Variants in STX8 observed in about 807,000 individuals in gnomAD.
STX8 encodes the protein syntaxin-8.
Under a neutral mutation model 37.5 loss-of-function variants are expected in STX8, and 23 were observed. The ratio of observed to expected loss-of-function variants is 0.61; its 90% CI spans 0.44 to 0.87. The LOEUF is 0.87. STX8 is among the 40% of genes least tolerant of loss of function. STX8 has a pLI of 0.00. For synonymous variants in STX8, 115 were observed against 99.1 expected (o/e 1.16, Z -0.95); for missense variants, 313 against 284.7 (o/e 1.10, Z -0.71).
intron 4 of STX8, among the ~76,000 whole-genome samples, chr17:9,505,655 T>C (rs966391587): frequency 6.6e-6 from 1 of 152,128 alleles, no homozygotes; most frequent in Non-Finnish European, 1.5e-5. Context: ...TAAAGGGTAT[T>C]TGGAGCCGGG....
chr17:9,335,918 T>C (rs917284428), intron 7 of STX8, among the ~76,000 whole-genome samples: 1 of 151,870 alleles, frequency 6.6e-6, no homozygotes, highest in Admixed American at 6.6e-5. Flanking sequence ...TATAGGAACA[T>C]TTCTGGGGGG....
rs58213453 is a variant in STX8, at chr17:9,360,227, C to CTTTTTTT, written c.643+18318_643+18324dup. On this transcript the variant is annotated intron_variant, in intron 7 of 7. Transcript: ENST00000306357. ...ATACATATAATGTAAAATTAACCGT[C>CTTTTTTT]TTTTTTTTTTTTTTTTTTTTTTTTG... is the stretch of plus-strand genomic sequence containing the variant. Among the ~76,000 whole-genome samples, 7 of 72,604 alleles carry CTTTTTTT rather than the reference C, an allele frequency of 9.6e-5. 1 individual carries two copies. The highest frequency in any genetic ancestry group is 1.6e-4 in the African/African-American group (3 of 18,702). 47.6% of individuals were successfully genotyped at this position (72,604 alleles called of 152,430 possible). A position where few individuals can be genotyped will look rare whatever the true frequency, so the allele number is the denominator to read the frequency against.
chr17:9,250,754 T>A, intron 7 of STX8, 109 bp from the exon 8 acceptor site: 1 of 1,195,760 alleles, frequency 8.4e-7, no homozygotes, highest in Non-Finnish European at 1.2e-6. Context: ...CTCTGAGCCT[T>A]CAGTTTGTAC....
chr17:9,351,350 G>C (rs1157653500), intron 7 of STX8, among the ~76,000 whole-genome samples: 1 of 151,636 alleles, frequency 6.6e-6, no homozygotes, highest in Non-Finnish European at 1.5e-5. Context: ...GTAGAGACAG[G>C]GTTTCACTAT....
intron 4 of STX8, among the ~76,000 whole-genome samples, chr17:9,514,088 G>A (rs28782252): frequency 0.035 from 5,340 of 152,180 alleles, 356 homozygotes; most frequent in African/African-American, 0.12. Context: ...TTGGACAGGA[G>A]GAATAAGTTT....
intron 4 of STX8, among the ~76,000 whole-genome samples, chr17:9,539,219 T>G (rs1489718040): frequency 6.7e-6 from 1 of 150,080 alleles, no homozygotes; most frequent in Non-Finnish European, 1.5e-5. Flanking sequence ...GTTTGACCAT[T>G]CTTGACTCTC....
chr17:9,408,542 A>G (rs1912873299), intron 6 of STX8, among the ~76,000 whole-genome samples: 1 of 152,180 alleles, frequency 6.6e-6, no homozygotes, highest in Admixed American at 6.5e-5. Context: ...CTGACCATCA[A>G]AGTTCTGGAC....
intron 7 of STX8, among the ~76,000 whole-genome samples, chr17:9,277,017 A>G (rs1020101804): frequency 1.1e-4 from 17 of 151,822 alleles, no homozygotes; most frequent in African/African-American, 3.4e-4. Context: ...TGTGATCATT[A>G]ACACACGACA....
chr17:9,300,585 T>C (rs1465889253), intron 7 of STX8, among the ~76,000 whole-genome samples: 1 of 152,022 alleles, frequency 6.6e-6, no homozygotes, highest in Non-Finnish European at 1.5e-5. Flanking sequence ...TGATGTTTTC[T>C]ACCTGGTTAT....
chr17:9,500,420 A>G (rs559463943), intron 5 of STX8, among the ~76,000 whole-genome samples: 1 of 152,292 alleles, frequency 6.6e-6, no homozygotes, highest in Admixed American at 6.5e-5. Context: ...TTCCCAAGCC[A>G]TGGTGTGGGG....
intron 7 of STX8, among the ~76,000 whole-genome samples, chr17:9,281,994 T>G (rs1416767387): frequency 6.6e-6 from 1 of 152,222 alleles, no homozygotes; most frequent in Non-Finnish European, 1.5e-5. Context: ...AGGGCCCTCC[T>G]GGGGCCTTCT....
chr17:9,448,848 T>G (rs1051203984), intron 6 of STX8, among the ~76,000 whole-genome samples: 7 of 152,196 alleles, frequency 4.6e-5, no homozygotes, highest in African/African-American at 9.7e-5. Flanking sequence ...AGAAATGACC[T>G]TAATACAAAA....
intron 2 of STX8, among the ~76,000 whole-genome samples, chr17:9,566,351 T>C (rs1240117705): frequency 6.6e-6 from 1 of 152,220 alleles, no homozygotes; most frequent in Non-Finnish European, 1.5e-5. Context: ...TATACACTGT[T>C]AGTGGGAGTG....
At chr17:9,322,562 A>G (rs1345934980) in intron 7 of STX8, among the ~76,000 whole-genome samples, 1 of 152,074 alleles carries the variant, frequency 6.6e-6, no homozygotes, top group Non-Finnish European at 1.5e-5. Context: ...AGGCACAGAG[A>G]CCCTCACAGC....
intron 6 of STX8, among the ~76,000 whole-genome samples, chr17:9,449,089 A>C (rs1285357893): frequency 1.3e-5 from 2 of 152,222 alleles, no homozygotes; most frequent in African/African-American, 4.8e-5. Context: ...ACAGTTGATC[A>C]GTTTCTTAGA....
intron 6 of STX8, among the ~76,000 whole-genome samples, chr17:9,444,646 T>C (rs1309079371): frequency 6.6e-6 from 1 of 152,220 alleles, no homozygotes; most frequent in African/African-American, 2.4e-5. Context: ...CATGAGCACA[T>C]CATCTTTACT....
chr17:9,505,505 G>T (rs185491601), intron 4 of STX8, among the ~76,000 whole-genome samples: 74 of 152,262 alleles, frequency 4.9e-4, no homozygotes, highest in African/African-American at 1.7e-3. Context: ...CCGAACAGCG[G>T]CCTTTTTATT....
chr17:9,421,706 C>T (rs1386558329), intron 6 of STX8, among the ~76,000 whole-genome samples: 1 of 152,056 alleles, frequency 6.6e-6, no homozygotes, highest in Non-Finnish European at 1.5e-5. Flanking sequence ...CTCTTCTTTC[C>T]TCACTCCAAA....
At chr17:9,535,951 G>A (rs1343732880) in intron 4 of STX8, among the ~76,000 whole-genome samples, 2 of 152,118 alleles carry the variant, frequency 1.3e-5, no homozygotes, top group East Asian at 1.9e-4. Flanking sequence ...CAAGATATTC[G>A]ATCAGGTGAC....
Sources: allele counts gnomAD v4.1 joint callset (sites outside exome capture counted in the v4.1 genomes callset), GRCh38; gene constraint gnomAD v4.1.1; transcripts MANE v1.5; gene names NCBI Gene and HGNC (gene_info 2026-07-23, HGNC 2026-07-21).